CAMK1D: variants seen among roughly 807,000 people sequenced by gnomAD.
CAMK1D encodes calcium/calmodulin dependent protein kinase ID.
In CAMK1D, 9 loss-of-function variants were observed where a neutral mutation model predicts 47.7. The ratio of observed to expected loss-of-function variants is 0.19; its 90% CI spans 0.11 to 0.33. CAMK1D has a LOEUF of 0.33. CAMK1D is among the 10% of genes least tolerant of loss of function. The pLI, the probability that CAMK1D is intolerant of heterozygous loss-of-function variation, is 1.00. For synonymous variants in CAMK1D, 184 were observed against 184.9 expected (o/e 0.99, Z 0.04); for missense variants, 291 against 488.7 (o/e 0.60, Z 3.81).
chr10:12,588,603 A>C (rs1837890897), intron 2 of CAMK1D, among the ~76,000 whole-genome samples: 1 of 151,896 alleles, frequency 6.6e-6, no homozygotes, highest in Admixed American at 6.6e-5. Context: ...CTCCTGCCCC[A>C]CCACCTGCAC....
chr10:12,490,545 A>G (rs908561675), intron 1 of CAMK1D, among the ~76,000 whole-genome samples: 3 of 152,182 alleles, frequency 2.0e-5, no homozygotes, highest in Non-Finnish European at 2.9e-5. Flanking sequence ...TCACTCTATA[A>G]CGAAAAGAAA....
At chr10:12,375,605 C>G (rs545334568) in intron 1 of CAMK1D, among the ~76,000 whole-genome samples, 4 of 152,146 alleles carry the variant, frequency 2.6e-5, no homozygotes, top group Non-Finnish European at 4.4e-5. Flanking sequence ...AGTAATGGCC[C>G]AAAGCTGAAC....
chr10:12,758,624 T>G (rs978134090), intron 3 of CAMK1D, among the ~76,000 whole-genome samples: 1 of 152,214 alleles, frequency 6.6e-6, no homozygotes, highest in African/African-American at 2.4e-5. Flanking sequence ...ACAGAAAATA[T>G]TTTATGCAGA....
chr10:12,816,990 G>A (rs1832824973), intron 8 of CAMK1D, among the ~76,000 whole-genome samples: 1 of 149,342 alleles, frequency 6.7e-6, no homozygotes. Flanking sequence ...CGTGGTGGAA[G>A]GCAAGGAGTA....
intron 2 of CAMK1D, among the ~76,000 whole-genome samples, chr10:12,576,426 T>C (rs2132327286): frequency 6.6e-6 from 1 of 152,272 alleles, no homozygotes; most frequent in South Asian, 2.1e-4. Context: ...GATATCAGGA[T>C]GATTCATGTG....
chr10:12,377,909 G>A (rs1838229415), intron 1 of CAMK1D, among the ~76,000 whole-genome samples: 1 of 152,214 alleles, frequency 6.6e-6, no homozygotes, highest in Admixed American at 6.5e-5. Flanking sequence ...ATAGCAATAA[G>A]AAGAAGTTTA....
At chr10:12,570,821 C>T (rs1837300690) in intron 2 of CAMK1D, among the ~76,000 whole-genome samples, 2 of 151,384 alleles carry the variant, frequency 1.3e-5, no homozygotes, top group South Asian at 4.2e-4. Context: ...CGTGGTAGAG[C>T]ATGCCTGTGC....
intron 4 of CAMK1D, among the ~76,000 whole-genome samples, chr10:12,768,341 G>T (rs924346451): frequency 6.6e-6 from 1 of 152,088 alleles, no homozygotes; most frequent in Non-Finnish European, 1.5e-5. Flanking sequence ...GTGATTTTGG[G>T]GTCCTGAGAT....
At chr10:12,521,976 T>C (rs1835430311) in intron 1 of CAMK1D, among the ~76,000 whole-genome samples, 1 of 130,264 alleles carries the variant, frequency 7.7e-6, no homozygotes. Flanking sequence ...TAGGTGTTTC[T>C]TATAGATAGC....
At chr10:12,809,331 C>G (rs746591580) in intron 6 of CAMK1D, among the ~76,000 whole-genome samples, 1 of 151,854 alleles carries the variant, frequency 6.6e-6, no homozygotes, top group Non-Finnish European at 1.5e-5. Flanking sequence ...GGTGTAGACT[C>G]TATGGAAAAC....
rs555369804 is a variant in CAMK1D, at chr10:12,462,891, T to C, written c.93-90334T>C. 2.6e-5 allele frequency among the ~76,000 whole-genome samples: 4 copies of C among 152,296 alleles called. No homozygotes were observed. In the South Asian group the frequency reaches 8.3e-4, roughly 32 times the overall value. On this transcript the variant is annotated intron_variant, in intron 1 of 10. Transcript: ENST00000619168. The stretch of plus-strand genomic sequence containing the variant: ...TCTTATTTCTAACCCGTTAAGGTAA[T>C]GGAGTCCTCTGCAGTGAAGTGGTGT...
At chr10:12,559,411 C>A (rs1836866428) in intron 2 of CAMK1D, among the ~76,000 whole-genome samples, 1 of 152,176 alleles carries the variant, frequency 6.6e-6, no homozygotes, top group African/African-American at 2.4e-5. Context: ...CCCCACCCGC[C>A]ACCCACTGAT....
In CAMK1D at chr10:12,541,998, G is replaced by A. The variant is rs183783292; in HGVS notation, c.93-11227G>A. Among the ~76,000 whole-genome samples the A allele has an allele frequency of 2.8e-4, 42 of 151,624 alleles. No homozygotes were observed. The East Asian group carries it at 4.5e-3, about 16-fold the overall frequency. On this transcript the variant is annotated intron_variant, in intron 1 of 10. Coordinates refer to ENST00000619168, the MANE Select transcript of CAMK1D (RefSeq NM_153498.4). ...CAAGTGATCCTCCCACCTCAGCTTC[G>A]TGAGTAGCTGGGACAATAGGCATGC...
intron 1 of CAMK1D, among the ~76,000 whole-genome samples, chr10:12,355,732 G>A (rs778593739): frequency 2.0e-4 from 31 of 152,102 alleles, no homozygotes; most frequent in African/African-American, 1.2e-4. Context: ...GTTTTGAGGC[G>A]TGATATAAAT....
At chr10:12,484,454 C>T (rs1484994064) in intron 1 of CAMK1D, among the ~76,000 whole-genome samples, 1 of 152,214 alleles carries the variant, frequency 6.6e-6, no homozygotes, top group East Asian at 1.9e-4. Context: ...GCCTCCTTCC[C>T]TGCAGGAAGG....
intron 3 of CAMK1D, among the ~76,000 whole-genome samples, chr10:12,691,712 A>G (rs953557364): frequency 5.3e-5 from 8 of 151,668 alleles, no homozygotes; most frequent in African/African-American, 9.7e-5. Flanking sequence ...CGGCCTCCCA[A>G]CGTGCTGGGA....
intron 2 of CAMK1D, among the ~76,000 whole-genome samples, chr10:12,608,020 A>C (rs952763166): frequency 1.3e-5 from 2 of 152,192 alleles, no homozygotes; most frequent in African/African-American, 4.8e-5. Flanking sequence ...CAGGAGCTCA[A>C]ATCCAGAGGG....
chr10:12,456,096 C>A (rs1374622586), intron 1 of CAMK1D, among the ~76,000 whole-genome samples: 1 of 152,172 alleles, frequency 6.6e-6, no homozygotes, highest in Non-Finnish European at 1.5e-5. Flanking sequence ...AGATAGGCAC[C>A]ATTTTCTCAT....
intron 8 of CAMK1D, among the ~76,000 whole-genome samples, chr10:12,818,534 G>A (rs886363244): frequency 2.0e-5 from 3 of 152,134 alleles, no homozygotes; most frequent in African/African-American, 7.2e-5. Flanking sequence ...AGCCGGACAC[G>A]GTGGTGTGTG....
Sources: gnomAD v4.1 joint callset for allele counts (sites outside exome capture counted in the v4.1 genomes callset) on GRCh38, gnomAD v4.1.1 for gene constraint, MANE v1.5 for transcripts, NCBI Gene and HGNC (gene_info 2026-07-23, HGNC 2026-07-21) for gene names.